SYNE2: variants seen among roughly 807,000 people sequenced by gnomAD.
SYNE2 encodes nesprin-2.
In SYNE2, 431 loss-of-function variants were observed where a neutral mutation model predicts 856.3. The observed-to-expected ratio is 0.50, with a 90% CI of 0.47 to 0.55. The LOEUF is 0.55. Among genes scored for constraint, SYNE2 ranks in the 20% least tolerant of loss-of-function variants. The pLI is 0.00. For missense variants in SYNE2, 8,129 were observed against 8,023.2 expected, an observed-to-expected ratio of 1.01 and a Z score of -0.50; for synonymous variants, 2,923 against 2,872.3, an observed-to-expected ratio of 1.02 and a Z score of -0.56.
At chr14:63,767,385 C>T (rs1886723406) in intron 1 of SYNE2, among the ~76,000 whole-genome samples, 1 of 152,150 alleles carries the variant, frequency 6.6e-6, no homozygotes, top group Non-Finnish European at 1.5e-5. Flanking sequence ...GCTGGGATTA[C>T]AGGCATGAGC....
chr14:63,798,059 A>G (rs1887988526), intron 1 of SYNE2, among the ~76,000 whole-genome samples: 1 of 152,116 alleles, frequency 6.6e-6, no homozygotes, highest in Admixed American at 6.6e-5. Flanking sequence ...CTTTTCTTGC[A>G]TCTATATTTT....
At chr14:63,839,386 C>T (rs1889971011) in intron 1 of SYNE2, among the ~76,000 whole-genome samples, 1 of 152,148 alleles carries the variant, frequency 6.6e-6, no homozygotes, top group South Asian at 2.1e-4. Context: ...CTATGGCCCT[C>T]ATTTAAATTT....
At chr14:63,773,073 C>T (rs987670487) in intron 1 of SYNE2, among the ~76,000 whole-genome samples, 2 of 150,770 alleles carry the variant, frequency 1.3e-5, no homozygotes, top group South Asian at 2.1e-4. Flanking sequence ...CCACTGCGCC[C>T]AGCCTATATT....
At chr14:64,038,606 G>A (rs954830438) in intron 45 of SYNE2, among the ~76,000 whole-genome samples, 14 of 152,266 alleles carry the variant, frequency 9.2e-5, no homozygotes, top group Admixed American at 2.0e-4. Context: ...TCGGGAGGCC[G>A]AGGCTGGTGG....
intron 23 of SYNE2, among the ~76,000 whole-genome samples, chr14:63,996,396 G>A (rs1182556200): frequency 2.6e-5 from 4 of 152,124 alleles, no homozygotes; most frequent in Non-Finnish European, 5.9e-5. Context: ...TATGTCACCA[G>A]TTCCCCATAC....
In SYNE2 at chr14:63,990,436, T is replaced by C. The variant is rs935979784; in HGVS notation, c.2339T>C (p.Phe780Ser). The change falls in exon 20 of 116, where the codon TTT (phenylalanine) becomes TCT (serine). Residue 780 changes from phenylalanine (F) to serine (S), a missense_variant. Phe to Ser is a radical substitution (Grantham distance 155). This residue lies in a region of SYNE2 where 2,422 missense variants were observed against 2,357.4 expected (regional missense o/e 1.03). Coordinates refer to ENST00000555002, the MANE Select transcript of SYNE2 (RefSeq NM_182914.3). Reference protein sequence around the residue: ...LKHLIAKGSMFDELMARSEDM... With the variant: ...LKHLIAKGSMSDELMARSEDM... ...CATCTTATTGCCAAAGGCTCTATGTTTGATGAGCTTATGGCAAGAAGTGAA... is the reference window on the plus strand; with the variant it reads ...CATCTTATTGCCAAAGGCTCTATGTCTGATGAGCTTATGGCAAGAAGTGAA... 6.2e-7 allele frequency: 1 copy of C among 1,613,404 alleles called. No homozygotes were observed. The highest frequency in any genetic ancestry group is 1.7e-5 in the Admixed American group (1 of 60,026).
At chr14:63,769,924 TA>T (rs1016154746) in intron 1 of SYNE2, among the ~76,000 whole-genome samples, 2 of 151,550 alleles carry the variant, frequency 1.3e-5, no homozygotes, top group Non-Finnish European at 1.5e-5. Context: ...GGGCAACATA[TA>T]TATATATTTG....
intron 103 of SYNE2, 69 bp downstream of exon 103, chr14:64,210,193 G>A: frequency 1.9e-6 from 3 of 1,551,082 alleles, no homozygotes; most frequent in South Asian, 1.2e-5. Flanking sequence ...CGCAATGGCA[G>A]GCTTGTGGCA....
chr14:63,801,284 G>A (rs1367539878), intron 1 of SYNE2, among the ~76,000 whole-genome samples: 1 of 151,986 alleles, frequency 6.6e-6, no homozygotes, highest in African/African-American at 2.4e-5. Context: ...TTGGGTGATG[G>A]GTGCACCAGA....
exon 1 of SYNE2, chr14:63,761,906 C>A: frequency 4.3e-6 from 1 of 233,596 alleles, no homozygotes; most frequent in Non-Finnish European, 8.9e-6. Context: ...GCTGCAGGAC[C>A]GCCGTGACGA....
chr14:63,762,114 T>C, intron 1 of SYNE2: 1 of 453,606 alleles, frequency 2.2e-6, no homozygotes, highest in Non-Finnish European at 4.5e-6. Flanking sequence ...AATATGATCC[T>C]ACGATAGAAG....
At chr14:63,776,816 G>GT (rs1887125822) in intron 1 of SYNE2, among the ~76,000 whole-genome samples, 1 of 152,002 alleles carries the variant, frequency 6.6e-6, no homozygotes, top group South Asian at 2.1e-4. Flanking sequence ...GGCCAGGCTG[G>GT]TCTCAAACTC....
At chr14:64,115,378 G>C (rs182604193) in intron 66 of SYNE2, among the ~76,000 whole-genome samples, 20 of 152,114 alleles carry the variant, frequency 1.3e-4, no homozygotes, top group Admixed American at 5.2e-4. Flanking sequence ...CCACCCAGAG[G>C]GGGAGGAAGG....
At position 64,052,250 on chromosome 14, in the gene SYNE2, G is replaced by A. The variant is rs1380837000; in HGVS notation, c.8337G>A (p.Gln2779=). The A allele has an allele frequency of 6.2e-6, 10 of 1,614,194 alleles. No individual in the cohort carries two copies. The highest frequency in any genetic ancestry group is 7.6e-6 in the Non-Finnish European group (9 of 1,180,036). ...CACATGATGGCATTCTAGCTAGGCAGCAGTCTGTGGAATCGTTGGCTGAAG... is the reference window on the plus strand; with the variant it reads ...CACATGATGGCATTCTAGCTAGGCAACAGTCTGTGGAATCGTTGGCTGAAG... The part of the protein sequence containing the change: ...KVTHDGILAR[Q]QSVESLAEEV... The change falls in exon 48 of 116, where the codon CAG becomes CAA. Residue 2779 remains glutamine (Q), a synonymous_variant. Transcript: ENST00000555002.
At chr14:64,131,379 C>T (rs1299578784) in intron 76 of SYNE2, among the ~76,000 whole-genome samples, 1 of 152,124 alleles carries the variant, frequency 6.6e-6, no homozygotes, top group Non-Finnish European at 1.5e-5. Flanking sequence ...AATACAAATA[C>T]AGGAAGCTTT....
At chr14:63,768,339 G>A (rs996365548) in intron 1 of SYNE2, among the ~76,000 whole-genome samples, 4 of 152,100 alleles carry the variant, frequency 2.6e-5, no homozygotes. Context: ...AGTAAAAAAC[G>A]TCAGTTAGCT....
At chr14:64,195,795 G>A (rs144593214) in intron 99 of SYNE2, among the ~76,000 whole-genome samples, 5 of 152,302 alleles carry the variant, frequency 3.3e-5, no homozygotes, top group Non-Finnish European at 5.9e-5. Context: ...TGCTAGTCAC[G>A]AAGTTGACTT....
intron 96 of SYNE2, among the ~76,000 whole-genome samples, chr14:64,179,336 G>A (rs1223190112): frequency 6.6e-6 from 1 of 151,912 alleles, no homozygotes; most frequent in Non-Finnish European, 1.5e-5. Flanking sequence ...ATGGTGTTTC[G>A]CCACGTTGGC....
intron 1 of SYNE2, among the ~76,000 whole-genome samples, chr14:63,769,593 C>T (rs1019525450): frequency 1.4e-5 from 2 of 143,386 alleles, no homozygotes; most frequent in South Asian, 2.4e-4. Flanking sequence ...GGCGTGAACC[C>T]GGGAGGTGGA....
Sources: gnomAD v4.1 joint callset for allele counts (sites outside exome capture counted in the v4.1 genomes callset) on GRCh38, gnomAD v4.1.1 for gene constraint, gnomAD v4.1.1 regional missense constraint, MANE v1.5 for transcripts, NCBI Gene and HGNC (gene_info 2026-07-23, HGNC 2026-07-21) for gene names.